Variants in ZNF385D observed in about 807,000 individuals in gnomAD.
ZNF385D encodes the protein zinc finger protein 659.
A neutral mutation model predicts 35.8 loss-of-function variants in ZNF385D; 15 were observed. The observed-to-expected ratio is 0.42, with a 90% CI of 0.28 to 0.64. The LOEUF is 0.64. ZNF385D is among the 30% of genes least tolerant of loss of function. The probability of loss-of-function intolerance (pLI) is 0.23; values close to 1 mark genes in which losing one functional copy is unlikely to be tolerated. For missense variants in ZNF385D, 474 were observed against 494.6 expected, an observed-to-expected ratio of 0.96 and a Z score of 0.39; for synonymous variants, 212 against 186.8, an observed-to-expected ratio of 1.13 and a Z score of -1.10.
chr3:21,990,651 T>C (rs73048158), intron 3 of ZNF385D, among the ~76,000 whole-genome samples: 17,046 of 152,236 alleles, frequency 0.11, 1,208 homozygotes, highest in Non-Finnish European at 0.16. Context: ...GATACTAGAA[T>C]ATATAAAGTT....
chr3:22,070,618 T>C (rs563699128), intron 3 of ZNF385D, among the ~76,000 whole-genome samples: 1 of 152,170 alleles, frequency 6.6e-6, no homozygotes, highest in East Asian at 1.9e-4. Flanking sequence ...GTTCTAGTCA[T>C]AGAAAGTACT....
chr3:22,148,956 G>A (rs576676541), intron 3 of ZNF385D, among the ~76,000 whole-genome samples: 1 of 152,128 alleles, frequency 6.6e-6, no homozygotes, highest in Non-Finnish European at 1.5e-5. Flanking sequence ...ATTTTGCTAT[G>A]AATACTCAAA....
At chr3:21,884,820 A>G (rs1003115093) in intron 3 of ZNF385D, among the ~76,000 whole-genome samples, 1 of 152,098 alleles carries the variant, frequency 6.6e-6, no homozygotes. Flanking sequence ...GGAAATTGGC[A>G]AACATTTTAA....
intron 2 of ZNF385D, among the ~76,000 whole-genome samples, chr3:21,594,091 C>A (rs1161632960): frequency 2.0e-5 from 3 of 152,188 alleles, no homozygotes; most frequent in East Asian, 3.9e-4. Flanking sequence ...AGGCAAGAAG[C>A]AACTCTAGCA....
intron 4 of ZNF385D, among the ~76,000 whole-genome samples, chr3:21,447,289 A>G (rs1211413373): frequency 2.0e-5 from 3 of 152,196 alleles, no homozygotes; most frequent in Non-Finnish European, 2.9e-5. Flanking sequence ...TTTGGATGCC[A>G]CTAGATTAGG....
At chr3:21,913,732 C>A (rs372220461) in intron 3 of ZNF385D, among the ~76,000 whole-genome samples, 8 of 152,058 alleles carry the variant, frequency 5.3e-5, no homozygotes, top group East Asian at 1.9e-4. Context: ...GAGATTAGAA[C>A]TCTTATTTGG....
At chr3:21,574,831 TC>T (rs2063446332) in intron 2 of ZNF385D, among the ~76,000 whole-genome samples, 1 of 152,112 alleles carries the variant, frequency 6.6e-6, no homozygotes. Flanking sequence ...ATGCATCAAT[TC>T]CATAAATTGA....
intron 2 of ZNF385D, among the ~76,000 whole-genome samples, chr3:22,362,345 A>T (rs1320871589): frequency 1.3e-5 from 2 of 152,084 alleles, no homozygotes; most frequent in African/African-American, 4.8e-5. Context: ...ATTTCTGAAT[A>T]ATTAAAAATT....
intron 3 of ZNF385D, among the ~76,000 whole-genome samples, chr3:21,813,369 T>G (rs1306946421): frequency 6.6e-6 from 1 of 152,016 alleles, no homozygotes; most frequent in African/African-American, 2.4e-5. Context: ...TTGACAGAAG[T>G]AGGCCTCAGA....
At chr3:21,601,705 T>C (rs1456896708) in intron 2 of ZNF385D, among the ~76,000 whole-genome samples, 2 of 152,218 alleles carry the variant, frequency 1.3e-5, no homozygotes, top group East Asian at 1.9e-4. Flanking sequence ...GATGCCCTGC[T>C]CTGTGCCATG....
At chr3:21,781,029 A>G (rs1420326737) in intron 3 of ZNF385D, among the ~76,000 whole-genome samples, 2 of 152,044 alleles carry the variant, frequency 1.3e-5, no homozygotes, top group South Asian at 2.1e-4. Context: ...TGGATCCCCC[A>G]TAATTGAGAA....
chr3:22,233,086 GT>G (rs1698988534), intron 2 of ZNF385D, among the ~76,000 whole-genome samples: 2 of 151,466 alleles, frequency 1.3e-5, no homozygotes, highest in Admixed American at 6.6e-5. Context: ...AATTTTTTTT[GT>G]TTTTAGTATA....
At chr3:22,327,561 T>G (rs975173800) in intron 2 of ZNF385D, among the ~76,000 whole-genome samples, 1 of 152,182 alleles carries the variant, frequency 6.6e-6, no homozygotes, top group East Asian at 1.9e-4. Flanking sequence ...AGTCCAAGGA[T>G]TTCCTGAAGA....
intron 4 of ZNF385D, among the ~76,000 whole-genome samples, chr3:21,485,431 C>T (rs1421923532): frequency 2.0e-5 from 3 of 152,124 alleles, no homozygotes; most frequent in Non-Finnish European, 4.4e-5. Context: ...CTGGTGGTGG[C>T]AAATGCCCAT....
chr3:21,594,167 A>G (rs1297950107), intron 2 of ZNF385D, among the ~76,000 whole-genome samples: 2 of 152,178 alleles, frequency 1.3e-5, no homozygotes. Flanking sequence ...TCTTTTATCA[A>G]TTAAAACCAT....
intron 3 of ZNF385D, among the ~76,000 whole-genome samples, chr3:21,963,427 G>C (rs960792614): frequency 1.5e-4 from 23 of 152,158 alleles, no homozygotes; most frequent in Non-Finnish European, 3.2e-4. Flanking sequence ...AGGGGAAAGA[G>C]TTCGCATCTT....
intron 2 of ZNF385D, among the ~76,000 whole-genome samples, chr3:21,634,526 T>C (rs2065373819): frequency 6.6e-6 from 1 of 152,074 alleles, no homozygotes; most frequent in South Asian, 2.1e-4. Context: ...TATTTTAAAA[T>C]ATATATACCT....
intron 3 of ZNF385D, among the ~76,000 whole-genome samples, chr3:22,125,901 C>T (rs1163922443): frequency 6.6e-6 from 1 of 152,058 alleles, no homozygotes; most frequent in Non-Finnish European, 1.5e-5. Context: ...CTGGATGTCT[C>T]ATTTCTTTCT....
chr3:21,997,621 G>T (rs898368146), intron 3 of ZNF385D, among the ~76,000 whole-genome samples: 2 of 151,446 alleles, frequency 1.3e-5, no homozygotes, highest in Non-Finnish European at 2.9e-5. Flanking sequence ...GAGAGAGAGT[G>T]TAAGTGTTTC....
Sources: allele counts gnomAD v4.1 joint callset (sites outside exome capture counted in the v4.1 genomes callset), GRCh38; gene constraint gnomAD v4.1.1; transcripts MANE v1.5; gene names NCBI Gene and HGNC (gene_info 2026-07-23, HGNC 2026-07-21).